ZNF695: variants seen among roughly 807,000 people sequenced by gnomAD.
The protein encoded by ZNF695 is zinc finger protein 695.
ZNF695 carries 11 observed loss-of-function variants against 11.2 expected under a neutral mutation model. The observed-to-expected ratio is 0.98, with a 90% CI of 0.62 to 1.62. The LOEUF (loss-of-function observed/expected upper bound fraction) is 1.62, where lower values mean the gene tolerates loss of function less well. Among genes scored for constraint, ZNF695 ranks in the 40% most tolerant of loss-of-function variants. ZNF695 has a pLI of 0.00. For synonymous variants in ZNF695, 190 were observed against 201.4 expected, an observed-to-expected ratio of 0.94 and a Z score of 0.48; for missense variants, 559 against 590.5, an observed-to-expected ratio of 0.95 and a Z score of 0.55.
intron 1 of ZNF695, among the ~76,000 whole-genome samples, chr1:247,006,624 A>T (rs55755783): frequency 0.23 from 35,182 of 152,212 alleles, 4,542 homozygotes; most frequent in African/African-American, 0.32. Flanking sequence ...CGTCTCAAAA[A>T]AAATAAATAA....
chr1:246,971,675 A>G (rs1179032369), intron 4 of ZNF695, among the ~76,000 whole-genome samples: 1 of 152,232 alleles, frequency 6.6e-6, no homozygotes, highest in Non-Finnish European at 1.5e-5. Flanking sequence ...TGTAAAACAA[A>G]GATTATTATA....
At chr1:246,976,292 T>C (rs1026375036) in intron 4 of ZNF695, among the ~76,000 whole-genome samples, 2 of 152,284 alleles carry the variant, frequency 1.3e-5, no homozygotes, top group South Asian at 4.1e-4. Flanking sequence ...AAGAATGAAA[T>C]AGTCATTTCT....
intron 5 of ZNF695, among the ~76,000 whole-genome samples, chr1:246,959,310 A>AAAAAATATATATATATAT (rs1558304450): frequency 2.0e-5 from 1 of 51,252 alleles, no homozygotes; most frequent in African/African-American, 8.8e-5. Flanking sequence ...AAAAAAAAAA[A>AAAAAATATATATATATAT]ATATATATAT....
intron 1 of ZNF695, among the ~76,000 whole-genome samples, chr1:247,001,712 C>CAAAAAAAAAAAAAAAA (rs56131097): frequency 5.0e-5 from 4 of 79,278 alleles, no homozygotes; most frequent in South Asian, 4.2e-4. Flanking sequence ...GACTTCGTCT[C>CAAAAAAAAAAAAAAAA]AAAAAAAAAA....
At chr1:246,975,450 T>G (rs935573905) in intron 4 of ZNF695, among the ~76,000 whole-genome samples, 16 of 152,224 alleles carry the variant, frequency 1.1e-4, no homozygotes, top group African/African-American at 3.9e-4. Flanking sequence ...AAGCTTAGTC[T>G]ACGGAGGAAA....
chr1:246,953,380 G>A (rs193254899), intron 5 of ZNF695, among the ~76,000 whole-genome samples: 20 of 151,556 alleles, frequency 1.3e-4, no homozygotes, highest in Middle Eastern at 3.5e-3. Flanking sequence ...AGGCCGAGGC[G>A]GGCGGATCAC....
At chr1:246,972,475 T>C (rs1668451656) in intron 4 of ZNF695, among the ~76,000 whole-genome samples, 1 of 152,222 alleles carries the variant, frequency 6.6e-6, no homozygotes. Context: ...TAATCAAATC[T>C]AAGTCTTGTG....
intron 4 of ZNF695, among the ~76,000 whole-genome samples, chr1:246,975,865 G>A (rs1553312916): frequency 1.3e-5 from 2 of 151,924 alleles, no homozygotes; most frequent in Non-Finnish European, 2.9e-5. Flanking sequence ...AGTCTCAAAA[G>A]AGGTAAAAGA....
At chr1:246,977,397 C>T (rs990152068) in intron 4 of ZNF695, among the ~76,000 whole-genome samples, 8 of 152,306 alleles carry the variant, frequency 5.3e-5, no homozygotes, top group Middle Eastern at 3.4e-3. Context: ...GCTGAGACTA[C>T]GGGTGCCCGC....
At chr1:246,948,247 T>C (rs1667787948) in intron 5 of ZNF695, among the ~76,000 whole-genome samples, 1 of 151,660 alleles carries the variant, frequency 6.6e-6, no homozygotes, top group South Asian at 2.1e-4. Context: ...CTAATTTTTG[T>C]ATTTTTAGTA....
At chr1:246,960,843 G>T (rs974076824) in intron 5 of ZNF695, among the ~76,000 whole-genome samples, 1 of 152,092 alleles carries the variant, frequency 6.6e-6, no homozygotes, top group Non-Finnish European at 1.5e-5. Flanking sequence ...TGAGGTGGGA[G>T]GATCACCTGA....
chr1:246,953,453 T>A (rs1333658520), intron 5 of ZNF695, among the ~76,000 whole-genome samples: 1 of 151,002 alleles, frequency 6.6e-6, no homozygotes. Context: ...GTAAAAAAAA[T>A]ATAAAAAATT....
At chr1:246,990,028 GGGAAA>G (rs1325189941) in intron 3 of ZNF695, among the ~76,000 whole-genome samples, 1 of 136,400 alleles carries the variant, frequency 7.3e-6, no homozygotes, top group Non-Finnish European at 1.6e-5. Context: ...AAAGGGGAAA[GGGAAA>G]GGAAAGGAAA....
chr1:246,968,389 G>C (rs1668340750), intron 4 of ZNF695: 1 of 152,256 alleles, frequency 6.6e-6, no homozygotes, highest in Non-Finnish European at 1.5e-5. Flanking sequence ...CCAAGGTCTT[G>C]GACAGCTCTG....
chr1:246,992,892 C>T (rs992188643), intron 3 of ZNF695, among the ~76,000 whole-genome samples: 2 of 152,106 alleles, frequency 1.3e-5, no homozygotes, highest in African/African-American at 4.8e-5. Context: ...AAAATAGTGG[C>T]ACATGTGTCC....
chr1:246,995,813 C>CAA (rs60375785), intron 3 of ZNF695, among the ~76,000 whole-genome samples: 783 of 66,254 alleles, frequency 0.012, 9 homozygotes, highest in African/African-American at 0.022. Flanking sequence ...GACTCTGTCT[C>CAA]AAAAAAAAAA....
At chr1:246,977,097 A>G (rs1427650405) in intron 4 of ZNF695, among the ~76,000 whole-genome samples, 2 of 152,142 alleles carry the variant, frequency 1.3e-5, no homozygotes, top group Non-Finnish European at 2.9e-5. Flanking sequence ...AGCATTTTTT[A>G]TGTTCCCTCA....
chr1:246,967,746 A>G, exon 5 of ZNF695: 1 of 401,860 alleles, frequency 2.5e-6, no homozygotes, highest in Non-Finnish European at 4.9e-6. Flanking sequence ...CAGGAAACTT[A>G]GAATCATGGC....
At position 246,988,075 on chromosome 1, in the gene ZNF695, C is replaced by A. The variant is rs1331137861; in HGVS notation, c.440G>T (p.Cys147Phe). ...QKASYNGLDLCSATTHSKNFQ... is the reference protein window; with the variant it reads ...QKASYNGLDLFSATTHSKNFQ... ...GTTTTTGCTATGAGTAGTTGCTGAG[C>A]ATAGGTCAAGTCCATTATAACTTGC... Residue 147 changes from cysteine (C) to phenylalanine (F), a missense_variant, in exon 4 of 4, where the codon TGC (cysteine) becomes TTC (phenylalanine). Cys to Phe is a radical substitution (Grantham distance 205). Transcript: ENST00000339986. 3.1e-6 allele frequency: 5 copies of A among 1,611,432 alleles called. No individual in the cohort carries two copies. Among genetic ancestry groups the A allele is most frequent in the Non-Finnish European group, 3.4e-6 (4 of 1,179,256 alleles).
Sources: gnomAD v4.1 joint callset for allele counts (sites outside exome capture counted in the v4.1 genomes callset) on GRCh38, gnomAD v4.1.1 for gene constraint, MANE v1.5 for transcripts, NCBI Gene and HGNC (gene_info 2026-07-23, HGNC 2026-07-21) for gene names.